MRO: variants seen among roughly 807,000 people sequenced by gnomAD.
MRO encodes the protein maestro, also known as protein maestro.
In MRO, 28 loss-of-function variants were observed where a neutral mutation model predicts 31.0. The ratio of observed to expected loss-of-function variants is 0.90; its 90% CI spans 0.67 to 1.24. The LOEUF is 1.24. Among genes scored for constraint, MRO ranks in the 50% most tolerant of loss-of-function variants. The pLI, the probability that MRO is intolerant of heterozygous loss-of-function variation, is 0.00. For synonymous variants in MRO, 108 were observed against 108.4 expected, an observed-to-expected ratio of 1.00 and a Z score of 0.02; for missense variants, 332 against 289.2, an observed-to-expected ratio of 1.15 and a Z score of -1.07.
chr18:50,809,178 C>T (rs908783515), intron 3 of MRO, 124 bp downstream of exon 3: 6 of 274,596 alleles, frequency 2.2e-5, no homozygotes, highest in Non-Finnish European at 4.3e-5. Context: ...AAAAAACTGT[C>T]ATCAAAGTTT....
chr18:50,802,522 T>C (rs7234885), intron 5 of MRO, among the ~76,000 whole-genome samples: 8,972 of 152,096 alleles, frequency 0.059, 878 homozygotes, highest in African/African-American at 0.2. Flanking sequence ...TATCAGTGTT[T>C]TGTAGTCTAA....
At position 50,819,584 on chromosome 18, in the gene MRO, C is replaced by T. The variant is rs943053538; in HGVS notation, c.-8G>A. On this transcript the variant is annotated 5_prime_UTR_variant, in exon 2 of 8. Coordinates refer to ENST00000398439, the MANE Select transcript of MRO (RefSeq NM_031939.6). The stretch of plus-strand genomic sequence containing the variant: ...CCCGGCCAACAGTGTCCCTTACCTG[C>T]GGCTCCTGCAGGCGGCTGCCACGTG... The T allele has an allele frequency of 2.6e-6, 4 of 1,551,636 alleles. No individual in the cohort carries two copies. The highest frequency in any genetic ancestry group is 1.2e-5 in the South Asian group (1 of 84,048).
At position 50,797,707 on chromosome 18, in the gene MRO, T is replaced by C. The variant is rs910879184; in HGVS notation, c.*1630A>G. ...GATCACTTAATGGAACTGCATCAAG[T>C]TTAAACCAACCTTGCAACAAAATTT... On this transcript the variant is annotated 3_prime_UTR_variant, in exon 8 of 8. Transcript: ENST00000398439. 6 of 152,150 alleles carry C rather than the reference T, an allele frequency of 3.9e-5. No individual in the cohort carries two copies. The highest frequency in any genetic ancestry group is 3.9e-4 in the Admixed American group (6 of 15,262). 9.4% of individuals were successfully genotyped at this position (152,150 alleles called of 1,614,324 possible).
rs572028739 is a variant in MRO, at chr18:50,808,644, AC to A, written c.99+657del. Reference sequence around the variant, plus strand: ...GCTAATTTTTGTGTTTTTGGTAGAGACAGGGTTTTGCCACGTTGCCGGCTGG... The same window carrying A: ...GCTAATTTTTGTGTTTTTGGTAGAGAAGGGTTTTGCCACGTTGCCGGCTGG... On this transcript the variant is annotated intron_variant, in intron 3 of 7. Transcript: ENST00000398439. 1.5e-3 allele frequency among the ~76,000 whole-genome samples: 225 copies of A among 151,168 alleles called. 1 individual carries two copies. Among genetic ancestry groups the A allele is most frequent in the African/African-American group, 5.2e-3 (215 of 41,244 alleles).
chr18:50,807,025 C>T (rs548751162), intron 3 of MRO, among the ~76,000 whole-genome samples, 175 bp from the exon 4 acceptor site: 11 of 152,002 alleles, frequency 7.2e-5, no homozygotes, highest in African/African-American at 2.2e-4. Flanking sequence ...GTCTACATAA[C>T]GAAGAAATTG....
intron 7 of MRO, among the ~76,000 whole-genome samples, chr18:50,799,826 A>C (rs961528689): frequency 8.5e-5 from 13 of 152,284 alleles, no homozygotes; most frequent in African/African-American, 2.9e-4. Flanking sequence ...CACGAGAATC[A>C]CTTGAACTTG....
At chr18:50,800,817 C>T (rs755152278) in intron 6 of MRO, among the ~76,000 whole-genome samples, 2 of 145,314 alleles carry the variant, frequency 1.4e-5, no homozygotes, top group Admixed American at 7.0e-5. Context: ...ACCCCAGAGG[C>T]GGAAGTTGTA....
chr18:50,819,050 C>T (rs1915158545), intron 2 of MRO, among the ~76,000 whole-genome samples: 2 of 150,660 alleles, frequency 1.3e-5, no homozygotes, highest in Admixed American at 1.3e-4. Context: ...AAGACCCTGT[C>T]TCAAAAAAAT....
chr18:50,819,273 A>T (rs1431076191), intron 2 of MRO, among the ~76,000 whole-genome samples: 1 of 152,130 alleles, frequency 6.6e-6, no homozygotes, highest in Admixed American at 6.5e-5. Flanking sequence ...GACCGCATAG[A>T]CATTTCAGTT....
At chr18:50,822,432 A>G (rs1915338328), upstream of MRO, among the ~76,000 whole-genome samples, 1 of 152,104 alleles carries the variant, frequency 6.6e-6, no homozygotes, top group Admixed American at 6.6e-5. Context: ...TCCGCCTCCC[A>G]GGTTCAAGCG....
Position 50,806,801 on chromosome 18 carries a change from AAC to A in MRO, c.147_148del (p.Phe51HisfsTer12), listed in dbSNP as rs778857300. On this transcript the variant is annotated frameshift_variant, in exon 4 of 8. Coordinates refer to ENST00000398439, the MANE Select transcript of MRO (RefSeq NM_031939.6). LOFTEE classifies it high-confidence loss of function. ...CCGAGCTCTTTCTGCCAAGATGAAA[AAC>A]ACATTCTTCAGAGGCTCCCGCTTCT... is the stretch of plus-strand genomic sequence containing the variant. 1.2e-6 allele frequency: 2 copies of A among 1,614,090 alleles called. No homozygotes were observed. The highest frequency in any genetic ancestry group is 1.7e-6 in the Non-Finnish European group (2 of 1,180,016).
chr18:50,809,144 C>CAAAAAAAAAAAAAAAA lies in MRO; in HGVS notation c.99+142_99+157dup, dbSNP rs61728184. On this transcript the variant is annotated intron_variant, in intron 3 of 7. Coordinates refer to ENST00000398439, the MANE Select transcript of MRO (RefSeq NM_031939.6). The stretch of plus-strand genomic sequence containing the variant: ...TGGGCGACAGAGCGAGACTCCGTCT[C>CAAAAAAAAAAAAAAAA]AAAAAAAAAAAAAAAAAAAAAAAAA... Among the ~76,000 whole-genome samples, 34 of 99,092 alleles carry CAAAAAAAAAAAAAAAA rather than the reference C, an allele frequency of 3.4e-4. 6 individuals carry two copies. Among genetic ancestry groups the CAAAAAAAAAAAAAAAA allele is most frequent in the Middle Eastern group, 5.0e-3 (1 of 202 alleles). 65.0% of individuals were successfully genotyped at this position (99,092 alleles called of 152,430 possible). A position where few individuals can be genotyped will look rare whatever the true frequency, so the allele number is the denominator to read the frequency against.
chr18:50,815,553 A>G, intron 2 of MRO: 1 of 305,788 alleles, frequency 3.3e-6, no homozygotes, highest in Non-Finnish European at 6.5e-6. Context: ...TATGATGGTT[A>G]CATTGAAATT....
chr18:50,817,600 A>G (rs913472395), intron 2 of MRO, among the ~76,000 whole-genome samples: 6 of 152,132 alleles, frequency 3.9e-5, no homozygotes, highest in Non-Finnish European at 5.9e-5. Context: ...CACTTTTTGT[A>G]TGTGGTGCCT....
chr18:50,806,620 A>G (rs951483203), intron 4 of MRO, 84 bp downstream of exon 4: 4 of 1,510,946 alleles, frequency 2.6e-6, no homozygotes, highest in Non-Finnish European at 3.6e-6. Flanking sequence ...TACAACAGAC[A>G]CCATACTCCA....
intron 5 of MRO, among the ~76,000 whole-genome samples, chr18:50,802,974 T>C (rs1913535748): frequency 6.6e-6 from 1 of 151,172 alleles, no homozygotes; most frequent in East Asian, 1.9e-4. Flanking sequence ...TGTACCCCAT[T>C]CAAAGCCATA....
chr18:50,814,016 T>C (rs866370477), intron 2 of MRO, among the ~76,000 whole-genome samples: 1 of 145,000 alleles, frequency 6.9e-6, no homozygotes, highest in East Asian at 1.9e-4. Flanking sequence ...TAAATTCACA[T>C]AGAGTCAAAA....
intron 3 of MRO, among the ~76,000 whole-genome samples, chr18:50,807,232 T>C (rs749203953): frequency 2.4e-4 from 37 of 152,140 alleles, no homozygotes; most frequent in Non-Finnish European, 4.3e-4. Context: ...GAGCTCCCTT[T>C]ACCCCTTCTT....
intron 2 of MRO, among the ~76,000 whole-genome samples, chr18:50,810,453 C>T (rs572974225): frequency 1.2e-4 from 18 of 152,162 alleles, no homozygotes; most frequent in African/African-American, 3.1e-4. Context: ...TACATATGTA[C>T]GTATATGCTT....
Sources: allele counts gnomAD v4.1 joint callset (sites outside exome capture counted in the v4.1 genomes callset), GRCh38; gene constraint gnomAD v4.1.1; transcripts MANE v1.5; gene names NCBI Gene and HGNC (gene_info 2026-07-23, HGNC 2026-07-21).